Variants in FAM227A observed in about 807,000 individuals in gnomAD.
FAM227A encodes protein FAM227A.
FAM227A carries 80 observed loss-of-function variants against 74.7 expected under a neutral mutation model. The ratio of observed to expected loss-of-function variants is 1.07; its 90% CI spans 0.89 to 1.29. The LOEUF (loss-of-function observed/expected upper bound fraction) is 1.29, where lower values mean the gene tolerates loss of function less well. Ranked by LOEUF, FAM227A falls within the 50% of genes most tolerant of loss-of-function variation. The pLI, the probability that FAM227A is intolerant of heterozygous loss-of-function variation, is 0.00. For synonymous variants in FAM227A, 237 were observed against 241.8 expected, an observed-to-expected ratio of 0.98 and a Z score of 0.19; for missense variants, 654 against 683.4, an observed-to-expected ratio of 0.96 and a Z score of 0.48.
intron 1 of FAM227A, among the ~76,000 whole-genome samples, chr22:38,651,057 CCACAGACATG>C (rs1464856048): frequency 1.3e-5 from 2 of 152,160 alleles, no homozygotes; most frequent in African/African-American, 2.4e-5. Context: ...TCCATCTTCT[CCACAGACATG>C]CATCTTACAT....
intron 15 of FAM227A, among the ~76,000 whole-genome samples, chr22:38,592,701 TG>T (rs1233951620): frequency 6.6e-6 from 1 of 152,218 alleles, no homozygotes; most frequent in East Asian, 1.9e-4. Flanking sequence ...TCATATCTAC[TG>T]GAGTCCTTGT....
At chr22:38,625,045 C>A (rs779035523) in intron 9 of FAM227A, among the ~76,000 whole-genome samples, 5 of 151,964 alleles carry the variant, frequency 3.3e-5, no homozygotes, top group Admixed American at 6.6e-5. Context: ...TTTTAATGAA[C>A]TTAGAAAATG....
At chr22:38,604,125 G>A (rs903489369) in intron 13 of FAM227A, among the ~76,000 whole-genome samples, 1 of 152,054 alleles carries the variant, frequency 6.6e-6, no homozygotes, top group Non-Finnish European at 1.5e-5. Context: ...TCGCGAGTTC[G>A]AGACCAGCCT....
chr22:38,645,800 T>A (rs2092225493), intron 2 of FAM227A, among the ~76,000 whole-genome samples, 155 bp from the exon 3 acceptor site: 1 of 152,182 alleles, frequency 6.6e-6, no homozygotes, highest in South Asian at 2.1e-4. Flanking sequence ...TCTTCCTTTT[T>A]TCTGAGACAG....
intron 15 of FAM227A, among the ~76,000 whole-genome samples, chr22:38,592,645 T>A (rs1289192540): frequency 1.3e-5 from 2 of 152,160 alleles, no homozygotes; most frequent in East Asian, 3.8e-4. Context: ...CTGAAGCTAG[T>A]GGAACAATAT....
chr22:38,624,511 AAC>A (rs2091756784), intron 9 of FAM227A, among the ~76,000 whole-genome samples: 1 of 152,202 alleles, frequency 6.6e-6, no homozygotes, highest in South Asian at 2.1e-4. Context: ...CTGGCTAGTA[AAC>A]AGTTTCTTCC....
At position 38,602,706 on chromosome 22, in the gene FAM227A, C is replaced by T. The variant is rs189856232; in HGVS notation, c.1221+2548G>A. ...AAAATAAATTTTTTTTCAAAGCCTA[C>T]GAAAGTCCAGCATCTGGGATCCACT... is the stretch of plus-strand genomic sequence containing the variant. On this transcript the variant is annotated intron_variant, in intron 13 of 16. Coordinates refer to ENST00000535113, the MANE Select transcript of FAM227A (RefSeq NM_001013647.2). 2.7e-4 allele frequency among the ~76,000 whole-genome samples: 41 copies of T among 152,140 alleles called. 1 individual carries two copies. Among genetic ancestry groups the T allele is most frequent in the African/African-American group, 7.5e-4 (31 of 41,494 alleles).
chr22:38,644,200 G>A (rs890369541), intron 3 of FAM227A, among the ~76,000 whole-genome samples: 1 of 148,766 alleles, frequency 6.7e-6, no homozygotes, highest in Non-Finnish European at 1.5e-5. Context: ...CATACTAAGT[G>A]AAAGAAGCCA....
chr22:38,638,865 TC>T, intron 4 of FAM227A, 43 bp from the exon 5 acceptor site: 1 of 1,302,154 alleles, frequency 7.7e-7, no homozygotes, highest in Middle Eastern at 1.9e-4. Context: ...AACCACAGGG[TC>T]TGTCCACAGC....
intron 1 of FAM227A, among the ~76,000 whole-genome samples, chr22:38,654,591 T>G (rs2092363958): frequency 6.7e-6 from 1 of 149,904 alleles, no homozygotes; most frequent in Non-Finnish European, 1.5e-5. Context: ...GGGGATGATG[T>G]CACTGCACTC....
chr22:38,637,025 G>C (rs1029286368), intron 5 of FAM227A, among the ~76,000 whole-genome samples: 1 of 152,054 alleles, frequency 6.6e-6, no homozygotes, highest in African/African-American at 2.4e-5. Context: ...TGATCCACCT[G>C]CCTCAGCCTC....
intron 11 of FAM227A, among the ~76,000 whole-genome samples, chr22:38,619,146 G>C (rs938659645): frequency 1.3e-5 from 2 of 152,028 alleles, no homozygotes; most frequent in African/African-American, 4.8e-5. Context: ...AGGGAGTGTG[G>C]TATACAAGGA....
intron 2 of FAM227A, among the ~76,000 whole-genome samples, chr22:38,646,244 A>C (rs1431850978): frequency 1.1e-5 from 1 of 89,692 alleles, no homozygotes; most frequent in Non-Finnish European, 2.2e-5. Flanking sequence ...TCCTTCCAGT[A>C]TTTCTTTTTT....
At chr22:38,655,835 G>A (rs2092384872) in intron 1 of FAM227A, among the ~76,000 whole-genome samples, 1 of 152,136 alleles carries the variant, frequency 6.6e-6, no homozygotes, top group Non-Finnish European at 1.5e-5. Context: ...AGACCCCTGG[G>A]TCCTGCCCCT....
At chr22:38,608,433 G>C (rs2091337117) in intron 11 of FAM227A, among the ~76,000 whole-genome samples, 1 of 151,978 alleles carries the variant, frequency 6.6e-6, no homozygotes, top group African/African-American at 2.4e-5. Context: ...AGTCCTCAGG[G>C]ATTCTTTTTT....
rs545215132 is a variant in FAM227A, at chr22:38,579,407, G to A, written c.*6718C>T. 1 of 152,272 alleles carries A rather than the reference G, an allele frequency of 6.6e-6. No individual in the cohort carries two copies. The highest frequency in any genetic ancestry group is 2.4e-5 in the African/African-American group (1 of 41,536). 9.4% of individuals were successfully genotyped at this position (152,272 alleles called of 1,614,324 possible). On this transcript the variant is annotated 3_prime_UTR_variant, in exon 17 of 17. Transcript: ENST00000535113. ...GCTAGGAGAATATTGTATAACAGAA[G>A]TCCCAAGCCAGGAGTAATGGTGCTT...
In FAM227A at chr22:38,650,043, T is replaced by C. The variant is rs2092301776; in HGVS notation, c.126A>G (p.Leu42=). 2.6e-6 allele frequency: 4 copies of C among 1,552,308 alleles called. No homozygotes were observed. The highest frequency in any genetic ancestry group is 3.5e-6 in the Non-Finnish European group (4 of 1,147,126). The stretch of plus-strand genomic sequence containing the variant: ...GAAGGATACAGGGTGGATTGTTCTC[T>C]AACTCCTTCCTCACAGTCTTCACCA... ...NTMVKTVRKE[L]ENNPPSCLIG... The change falls in exon 2 of 17, where the codon TTA becomes TTG. Residue 42 remains leucine, a synonymous_variant. Transcript: ENST00000535113.
At chr22:38,635,766 G>T (rs1019401042) in intron 6 of FAM227A, among the ~76,000 whole-genome samples, 9 of 152,194 alleles carry the variant, frequency 5.9e-5, no homozygotes, top group African/African-American at 2.2e-4. Context: ...GCCGAGGATG[G>T]GGAGGGGAAG....
At chr22:38,612,083 T>C (rs2146290277) in intron 11 of FAM227A, among the ~76,000 whole-genome samples, 1 of 152,302 alleles carries the variant, frequency 6.6e-6, no homozygotes, top group East Asian at 1.9e-4. Context: ...GCGTCAGGTC[T>C]GTCTGCTTCT....
Sources: gnomAD v4.1 joint callset for allele counts (sites outside exome capture counted in the v4.1 genomes callset) on GRCh38, gnomAD v4.1.1 for gene constraint, MANE v1.5 for transcripts, NCBI Gene and HGNC (gene_info 2026-07-23, HGNC 2026-07-21) for gene names.